The following TENM2 variants were observed in gnomAD, a reference collection of about 807,000 sequenced individuals.
The protein encoded by TENM2 is teneurin transmembrane protein 2.
Under a neutral mutation model 245.2 loss-of-function variants are expected in TENM2, and 52 were observed. The observed-to-expected ratio is 0.21, with a 90% CI of 0.17 to 0.27. The LOEUF (loss-of-function observed/expected upper bound fraction) is 0.27, where lower values mean the gene tolerates loss of function less well. Ranked by LOEUF, TENM2 falls within the 10% of genes least tolerant of loss-of-function variation. The pLI is 1.00. For synonymous variants in TENM2, 1,363 were observed against 1,438.9 expected (o/e 0.95, Z 1.19); for missense variants, 3,046 against 3,666.8 (o/e 0.83, Z 4.37).
chr5:168,056,640 AG>A (rs1019183022), intron 6 of TENM2, among the ~76,000 whole-genome samples: 3 of 152,198 alleles, frequency 2.0e-5, no homozygotes, highest in African/African-American at 4.8e-5. Flanking sequence ...AGTATTTACA[AG>A]GTCAAAAGTA....
At chr5:167,884,246 G>A (rs956429469) in intron 3 of TENM2, among the ~76,000 whole-genome samples, 1 of 152,078 alleles carries the variant, frequency 6.6e-6, no homozygotes, top group African/African-American at 2.4e-5. Flanking sequence ...TTCTATTGTG[G>A]GCAAATATAT....
intron 3 of TENM2, among the ~76,000 whole-genome samples, chr5:167,940,506 AG>A (rs1370802565): frequency 6.6e-6 from 1 of 152,234 alleles, no homozygotes; most frequent in Non-Finnish European, 1.5e-5. Flanking sequence ...AGGTCTTAAA[AG>A]ATGACATTTG....
the TENM2 span, among the ~76,000 whole-genome samples, chr5:167,185,591 A>C: frequency 6.6e-6 from 1 of 152,272 alleles, no homozygotes; most frequent in Non-Finnish European, 1.5e-5. Flanking sequence ...TCACTATCAT[A>C]GATTTCAAGT....
chr5:167,270,148 G>T, the TENM2 span, among the ~76,000 whole-genome samples: 1 of 152,248 alleles, frequency 6.6e-6, no homozygotes, highest in Admixed American at 6.5e-5. Flanking sequence ...TGCAGCAAAA[G>T]TAGAATATCA....
At chr5:168,216,698 C>T (rs1416472910) in intron 21 of TENM2, 70 bp from the exon 24 acceptor site, 5 of 1,503,890 alleles carry the variant, frequency 3.3e-6, no homozygotes, top group Non-Finnish European at 4.6e-6. Flanking sequence ...CAAGGCATCT[C>T]ATCTCCCACC....
chr5:167,393,609 T>A (rs1193785710), intron 2 of TENM2, among the ~76,000 whole-genome samples: 1 of 152,138 alleles, frequency 6.6e-6, no homozygotes, highest in African/African-American at 2.4e-5. Flanking sequence ...TGAAGTCAGG[T>A]CATAGAGGGT....
At chr5:167,771,503 G>A (rs535744216) in intron 2 of TENM2, among the ~76,000 whole-genome samples, 1 of 152,160 alleles carries the variant, frequency 6.6e-6, no homozygotes, top group South Asian at 2.1e-4. Flanking sequence ...GAAGAGTAGG[G>A]TTTTGTTTGT....
At chr5:166,993,313 G>A in the TENM2 span, among the ~76,000 whole-genome samples, 2 of 152,062 alleles carry the variant, frequency 1.3e-5, no homozygotes, top group African/African-American at 2.4e-5. Context: ...GTGCCCTCCC[G>A]CGAGGGTCTC....
At chr5:167,635,220 G>T (rs1198498621) in intron 2 of TENM2, among the ~76,000 whole-genome samples, 1 of 152,146 alleles carries the variant, frequency 6.6e-6, no homozygotes, top group East Asian at 1.9e-4. Flanking sequence ...GATAATGTGG[G>T]TTTGTGCCTT....
chr5:167,502,600 A>G (rs991786939), intron 2 of TENM2, among the ~76,000 whole-genome samples: 2 of 152,180 alleles, frequency 1.3e-5, no homozygotes, highest in African/African-American at 4.8e-5. Context: ...TGGAGTATTT[A>G]CTTATAATAG....
At chr5:167,093,300 T>C in the TENM2 span, among the ~76,000 whole-genome samples, 14 of 152,196 alleles carry the variant, frequency 9.2e-5, no homozygotes, top group Non-Finnish European at 4.4e-5. Context: ...CTGAAGATTT[T>C]AGGTCCTTTC....
chr5:167,110,348 G>A, the TENM2 span, among the ~76,000 whole-genome samples: 2 of 152,110 alleles, frequency 1.3e-5, no homozygotes. Flanking sequence ...AAGACAGTCC[G>A]GTTCCTTTTG....
At chr5:167,709,112 G>T (rs1758733453) in intron 2 of TENM2, among the ~76,000 whole-genome samples, 1 of 152,150 alleles carries the variant, frequency 6.6e-6, no homozygotes, top group Non-Finnish European at 1.5e-5. Context: ...TCTGGAGGAA[G>T]TCTCAGTGGT....
the TENM2 span, among the ~76,000 whole-genome samples, chr5:167,073,201 G>A: frequency 1.3e-5 from 2 of 152,074 alleles, no homozygotes; most frequent in Non-Finnish European, 2.9e-5. Context: ...TGCTTTATAT[G>A]CTCATTTGGA....
intron 2 of TENM2, among the ~76,000 whole-genome samples, chr5:167,602,561 T>C (rs1445779516): frequency 6.6e-6 from 1 of 152,196 alleles, no homozygotes. Flanking sequence ...GAGTAGATAT[T>C]GTTGAGACTA....
intron 7 of TENM2, among the ~76,000 whole-genome samples, chr5:168,064,802 A>C (rs866220156): frequency 6.6e-6 from 1 of 152,208 alleles, no homozygotes; most frequent in Admixed American, 6.5e-5. Context: ...CAAGTAAGCA[A>C]GCCACCGTGC....
At chr5:168,075,269 T>A (rs1791370582) in intron 7 of TENM2, among the ~76,000 whole-genome samples, 1 of 152,220 alleles carries the variant, frequency 6.6e-6, no homozygotes, top group Non-Finnish European at 1.5e-5. Flanking sequence ...CGTTATTTCA[T>A]TCCTTTTAAT....
the TENM2 span, among the ~76,000 whole-genome samples, chr5:167,197,388 G>C: frequency 6.6e-6 from 1 of 152,174 alleles, no homozygotes; most frequent in Non-Finnish European, 1.5e-5. Flanking sequence ...TCAGTTCCTA[G>C]CACAGTAATA....
At chr5:167,510,993 T>C (rs10214221) in intron 2 of TENM2, among the ~76,000 whole-genome samples, 86,941 of 151,944 alleles carry the variant, frequency 0.57, 25,025 homozygotes, top group East Asian at 0.68. Context: ...GAGACAAGTG[T>C]GGTCCTGTTT....
Sources: gnomAD v4.1 joint callset for allele counts (sites outside exome capture counted in the v4.1 genomes callset) on GRCh38, gnomAD v4.1.1 for gene constraint, MANE v1.5 for transcripts, NCBI Gene and HGNC (gene_info 2026-07-23, HGNC 2026-07-21) for gene names.